FBXL17: variants seen among roughly 807,000 people sequenced by gnomAD.
FBXL17 encodes the protein F-box/LRR-repeat protein 17.
In FBXL17, 22 loss-of-function variants were observed where a neutral mutation model predicts 66.2. The ratio of observed to expected loss-of-function variants is 0.33; its 90% CI spans 0.24 to 0.47. The LOEUF (loss-of-function observed/expected upper bound fraction) is 0.47. Ranked by LOEUF, FBXL17 falls within the 20% of genes least tolerant of loss-of-function variation. The pLI is 1.00. For missense variants in FBXL17, 878 were observed against 948.2 expected (o/e 0.93, Z 0.97); for synonymous variants, 474 against 400.5 (o/e 1.18, Z -2.19).
intron 4 of FBXL17, among the ~76,000 whole-genome samples, chr5:108,287,458 A>C (rs1757943486): frequency 6.6e-6 from 1 of 152,170 alleles, no homozygotes; most frequent in Admixed American, 6.6e-5. Flanking sequence ...TGGGCAAAGG[A>C]TATGAACAGA....
intron 4 of FBXL17, among the ~76,000 whole-genome samples, chr5:108,318,487 T>C (rs1447066214): frequency 6.6e-6 from 1 of 151,828 alleles, no homozygotes; most frequent in African/African-American, 2.4e-5. Flanking sequence ...ACAACCAATA[T>C]ACATAAAATC....
chr5:108,331,674 C>T (rs1042282239), intron 4 of FBXL17, among the ~76,000 whole-genome samples: 17 of 152,168 alleles, frequency 1.1e-4, no homozygotes, highest in African/African-American at 3.9e-4. Flanking sequence ...ACATAAAAGT[C>T]ATTTGGTAAG....
At chr5:107,861,963 GC>G in intron 8 of FBXL17, 103 bp from the exon 9 acceptor site, 4 of 1,252,300 alleles carry the variant, frequency 3.2e-6, no homozygotes, top group Non-Finnish European at 4.2e-6. Flanking sequence ...GACACGAAGA[GC>G]CCTCGCCTTG....
At chr5:108,111,176 G>A (rs1440908696) in intron 6 of FBXL17, among the ~76,000 whole-genome samples, 7 of 150,976 alleles carry the variant, frequency 4.6e-5, no homozygotes, top group Non-Finnish European at 1.0e-4. Context: ...ATAACTATCT[G>A]CAGACCCTGC....
Position 108,382,034 on chromosome 5 carries a change from A to T in FBXL17, c.-343T>A. On this transcript the variant is annotated 5_prime_UTR_variant, in exon 1 of 9. Transcript: ENST00000542267. ...GTCAGTCAGCGGAGCGGCCGGGGAA[A>T]GGCCGGGTCCCGCTCGGACCATTTT... is the stretch of plus-strand genomic sequence containing the variant. 1 of 1,007,548 alleles carries T rather than the reference A, an allele frequency of 9.9e-7. No homozygotes were observed. Among genetic ancestry groups the T allele is most frequent in the Non-Finnish European group, 1.2e-6 (1 of 819,674 alleles). The allele number at this position is 1,007,548 out of a possible 1,614,324, so 62.4% of individuals were successfully genotyped here.
intron 7 of FBXL17, among the ~76,000 whole-genome samples, chr5:107,960,088 C>G (rs1185573007): frequency 2.0e-5 from 3 of 152,158 alleles, no homozygotes; most frequent in African/African-American, 7.2e-5. Flanking sequence ...TCTGTGATTA[C>G]TATTGGTTCT....
At chr5:107,990,209 C>G (rs1239929474) in intron 7 of FBXL17, among the ~76,000 whole-genome samples, 1 of 152,164 alleles carries the variant, frequency 6.6e-6, no homozygotes, top group Non-Finnish European at 1.5e-5. Context: ...GCATACAGAA[C>G]TGGGGCTATC....
At chr5:108,376,093 A>G (rs757875393) in intron 1 of FBXL17, among the ~76,000 whole-genome samples, 1 of 152,242 alleles carries the variant, frequency 6.6e-6, no homozygotes, top group Non-Finnish European at 1.5e-5. Flanking sequence ...CTTGATTAAA[A>G]CATTCAGAAA....
intron 4 of FBXL17, among the ~76,000 whole-genome samples, chr5:108,245,929 G>A (rs1424384013): frequency 6.6e-6 from 1 of 152,036 alleles, no homozygotes; most frequent in Non-Finnish European, 1.5e-5. Context: ...AGTAGCACAG[G>A]GCCTGACTGA....
intron 6 of FBXL17, among the ~76,000 whole-genome samples, chr5:108,172,975 T>A (rs1488785084): frequency 1.3e-5 from 2 of 151,960 alleles, no homozygotes; most frequent in Non-Finnish European, 2.9e-5. Flanking sequence ...AATTTTGTAT[T>A]TTTTTAGTAA....
chr5:108,350,373 C>A (rs1747566905), intron 3 of FBXL17, among the ~76,000 whole-genome samples: 1 of 152,062 alleles, frequency 6.6e-6, no homozygotes, highest in Non-Finnish European at 1.5e-5. Context: ...TAGCTGAGAA[C>A]CAAAGCACAA....
intron 4 of FBXL17, among the ~76,000 whole-genome samples, chr5:108,285,659 T>C (rs1337012452): frequency 6.6e-6 from 1 of 151,802 alleles, no homozygotes; most frequent in Non-Finnish European, 1.5e-5. Flanking sequence ...CAGCAAACCA[T>C]GCTTTAAACA....
chr5:108,271,688 T>G (rs766085903), intron 4 of FBXL17, among the ~76,000 whole-genome samples: 1 of 152,198 alleles, frequency 6.6e-6, no homozygotes, highest in Non-Finnish European at 1.5e-5. Context: ...AAGATATAAA[T>G]GCAAGATTTC....
chr5:108,311,220 A>G (rs557061889), intron 4 of FBXL17, among the ~76,000 whole-genome samples: 29 of 151,872 alleles, frequency 1.9e-4, no homozygotes, highest in African/African-American at 6.8e-4. Flanking sequence ...TACCCCGGCT[A>G]GACTGCAATG....
chr5:107,963,333 G>C (rs1042444666), intron 7 of FBXL17, among the ~76,000 whole-genome samples: 2 of 151,990 alleles, frequency 1.3e-5, no homozygotes, highest in Non-Finnish European at 2.9e-5. Context: ...TGGGAAATGA[G>C]AAATTAAACA....
chr5:108,327,125 G>A (rs1349994468), intron 4 of FBXL17, among the ~76,000 whole-genome samples: 2 of 152,138 alleles, frequency 1.3e-5, no homozygotes, highest in African/African-American at 2.4e-5. Flanking sequence ...TCCTTACAAT[G>A]GAATGCTATT....
At chr5:108,216,611 C>T (rs541821096) in intron 5 of FBXL17, among the ~76,000 whole-genome samples, 1 of 151,968 alleles carries the variant, frequency 6.6e-6, no homozygotes, top group Admixed American at 6.6e-5. Flanking sequence ...TGTGGAGTGG[C>T]CAGATCAAGA....
chr5:108,100,388 T>G (rs536483052), intron 6 of FBXL17, among the ~76,000 whole-genome samples: 3 of 152,160 alleles, frequency 2.0e-5, no homozygotes, highest in Non-Finnish European at 4.4e-5. Flanking sequence ...AACAATGAAT[T>G]CATGGCTAAT....
At chr5:107,865,125 G>T (rs1012362003) in intron 8 of FBXL17, among the ~76,000 whole-genome samples, 1 of 152,178 alleles carries the variant, frequency 6.6e-6, no homozygotes, top group Non-Finnish European at 1.5e-5. Flanking sequence ...ATGGAGCAGA[G>T]AAAACATTCA....
Sources: allele counts gnomAD v4.1 joint callset (sites outside exome capture counted in the v4.1 genomes callset), GRCh38; gene constraint gnomAD v4.1.1; transcripts MANE v1.5; gene names NCBI Gene and HGNC (gene_info 2026-07-23, HGNC 2026-07-21).